The following TSHZ2 variants were observed in gnomAD, a reference collection of about 807,000 sequenced individuals.
The protein encoded by TSHZ2 is teashirt zinc finger homeobox 2, also known as teashirt homolog 2.
Under a neutral mutation model 74.4 loss-of-function variants are expected in TSHZ2, and 21 were observed. That is an observed-to-expected ratio of 0.28 (90% CI 0.20 to 0.41). The LOEUF (loss-of-function observed/expected upper bound fraction) is 0.41, where lower values mean the gene tolerates loss of function less well. Ranked by LOEUF, TSHZ2 falls within the 10% of genes least tolerant of loss-of-function variation. TSHZ2 has a pLI of 1.00. For synonymous variants in TSHZ2, 540 were observed against 515.3 expected (o/e 1.05, Z -0.65); for missense variants, 1,244 against 1,293.5 (o/e 0.96, Z 0.59).
At chr20:52,980,102 A>T (rs1032849871) in intron 1 of TSHZ2, among the ~76,000 whole-genome samples, 1 of 152,198 alleles carries the variant, frequency 6.6e-6, no homozygotes, top group East Asian at 1.9e-4. Context: ...AACACTTTTT[A>T]AAAAATTGTT....
chr20:52,972,610 A>C lies in TSHZ2; in HGVS notation c.-684A>C, dbSNP rs1981152513. On this transcript the variant is annotated 5_prime_UTR_variant, in exon 1 of 3. Coordinates refer to ENST00000371497, the MANE Select transcript of TSHZ2 (RefSeq NM_173485.6). ...ACCCGCTCCTGTCCTCTCGCATATC[A>C]CTCACAGACGGGGATCTGACAGCAG... is the stretch of plus-strand genomic sequence containing the variant. 6.6e-6 allele frequency: 1 copy of C among 151,846 alleles called. No individual in the cohort carries two copies. The highest frequency in any genetic ancestry group is 2.4e-5 in the African/African-American group (1 of 40,848). The allele number at this position is 151,846 out of a possible 1,614,324, so 9.4% of individuals were successfully genotyped here.
chr20:53,143,134 A>C (rs1197536315), intron 1 of TSHZ2, among the ~76,000 whole-genome samples: 1 of 152,218 alleles, frequency 6.6e-6, no homozygotes, highest in African/African-American at 2.4e-5. Context: ...AAACACATCT[A>C]TTTAAGCTAG....
chr20:53,249,513 G>T (rs372466244), intron 1 of TSHZ2, among the ~76,000 whole-genome samples: 6 of 152,240 alleles, frequency 3.9e-5, no homozygotes, highest in Admixed American at 3.3e-4. Flanking sequence ...TGATGTGATG[G>T]ATAGTTACAC....
intron 1 of TSHZ2, among the ~76,000 whole-genome samples, chr20:53,027,868 G>T (rs549474255): frequency 6.6e-6 from 1 of 152,156 alleles, no homozygotes; most frequent in Non-Finnish European, 1.5e-5. Context: ...TTAAGGAGAG[G>T]AGAGGGTGGT....
At chr20:53,009,071 A>G (rs1329225373) in intron 1 of TSHZ2, among the ~76,000 whole-genome samples, 1 of 149,692 alleles carries the variant, frequency 6.7e-6, no homozygotes, top group Admixed American at 6.7e-5. Flanking sequence ...GCTCACACCT[A>G]TAACACCAAC....
intron 1 of TSHZ2, among the ~76,000 whole-genome samples, chr20:53,096,922 C>CAAAACA (rs142443353): frequency 2.0e-5 from 3 of 150,598 alleles, no homozygotes; most frequent in Non-Finnish European, 3.0e-5. Context: ...AAACAAAAAA[C>CAAAACA]AAAACAAAAA....
intron 1 of TSHZ2, among the ~76,000 whole-genome samples, chr20:53,047,726 CA>C (rs146052875): frequency 1.3e-5 from 2 of 148,902 alleles, no homozygotes; most frequent in African/African-American, 4.9e-5. Flanking sequence ...CATTTTGGAG[CA>C]AAAAAAAACC....
At chr20:53,463,526 T>C (rs551888784) in intron 2 of TSHZ2, among the ~76,000 whole-genome samples, 2 of 152,168 alleles carry the variant, frequency 1.3e-5, no homozygotes, top group Non-Finnish European at 2.9e-5. Context: ...CGTAGAATTA[T>C]AGAAGTTATG....
intron 2 of TSHZ2, among the ~76,000 whole-genome samples, chr20:53,265,891 C>T (rs2123748510): frequency 6.6e-6 from 1 of 152,314 alleles, no homozygotes; most frequent in Non-Finnish European, 1.5e-5. Flanking sequence ...TTCCTCCCTC[C>T]CTCCTTTCTT....
Position 53,090,711 on chromosome 20 carries a change from C to T in TSHZ2, c.40+117378C>T, listed in dbSNP as rs1004500385. Among the ~76,000 whole-genome samples, 104 of 152,176 alleles carry T rather than the reference C, an allele frequency of 6.8e-4. 1 individual carries two copies. Among genetic ancestry groups the T allele is most frequent in the Non-Finnish European group, 1.2e-4 (8 of 68,028 alleles). On this transcript the variant is annotated intron_variant, in intron 1 of 2. Transcript: ENST00000371497. Reference sequence around the variant, plus strand: ...TGGCTTCCTCAGCATCTTAAGATAACTCACAGCAATTATTTTGCTGTGGAT... The same window carrying T: ...TGGCTTCCTCAGCATCTTAAGATAATTCACAGCAATTATTTTGCTGTGGAT...
chr20:53,485,785 T>C (rs1045453427), intron 2 of TSHZ2, among the ~76,000 whole-genome samples: 3 of 152,144 alleles, frequency 2.0e-5, no homozygotes, highest in Non-Finnish European at 4.4e-5. Context: ...AAGCCTAGTA[T>C]GACCATAGGT....
At chr20:53,097,497 A>G (rs988573866) in intron 1 of TSHZ2, among the ~76,000 whole-genome samples, 5 of 152,160 alleles carry the variant, frequency 3.3e-5, no homozygotes, top group South Asian at 2.1e-4. Context: ...CACTTGTTCT[A>G]TTTCCAGTTT....
intron 2 of TSHZ2, among the ~76,000 whole-genome samples, chr20:53,397,085 A>G (rs967637585): frequency 6.6e-6 from 1 of 152,204 alleles, no homozygotes; most frequent in Non-Finnish European, 1.5e-5. Context: ...CATGTCTAAA[A>G]CACCAAAAGC....
chr20:53,262,818 C>G (rs1291307730), intron 2 of TSHZ2, among the ~76,000 whole-genome samples: 2 of 152,138 alleles, frequency 1.3e-5, no homozygotes, highest in African/African-American at 4.8e-5. Context: ...CAGTGCATGT[C>G]ATGTTCTCCT....
chr20:53,471,960 C>T (rs2145838605), intron 2 of TSHZ2, among the ~76,000 whole-genome samples: 1 of 152,036 alleles, frequency 6.6e-6, no homozygotes, highest in Non-Finnish European at 1.5e-5. Context: ...CATGTGCCAC[C>T]ACGCCCAGCT....
chr20:53,350,363 A>G (rs1600824397), intron 2 of TSHZ2, among the ~76,000 whole-genome samples: 2 of 152,258 alleles, frequency 1.3e-5, no homozygotes, highest in African/African-American at 4.8e-5. Context: ...GGAGTTAGCC[A>G]CTGGAATCCA....
At chr20:53,278,285 T>C (rs1568849028) in intron 2 of TSHZ2, among the ~76,000 whole-genome samples, 3 of 152,232 alleles carry the variant, frequency 2.0e-5, no homozygotes, top group African/African-American at 7.2e-5. Context: ...TATTTTCTAA[T>C]TCTGAAATGG....
chr20:53,179,101 G>A lies in TSHZ2; in HGVS notation c.41-74398G>A, dbSNP rs564642794. 3 of 151,862 alleles carry A rather than the reference G, an allele frequency of 2.0e-5. No individual in the cohort carries two copies. In the South Asian group the frequency reaches 6.2e-4, roughly 32 times the overall value. The allele number at this position is 151,862 out of a possible 1,614,324, so 9.4% of individuals were successfully genotyped here. A position where few individuals can be genotyped will look rare whatever the true frequency, so the allele number is the denominator to read the frequency against. On this transcript the variant is annotated intron_variant, in intron 1 of 2. Transcript: ENST00000371497. ...ACAGTCCAAATCTTTCTCATTGAAC[G>A]GGAAACATTTTCTGATCTCAACCTT...
chr20:53,453,817 G>T (rs184017241), intron 2 of TSHZ2, among the ~76,000 whole-genome samples: 32 of 152,184 alleles, frequency 2.1e-4, no homozygotes, highest in African/African-American at 7.5e-4. Context: ...CCAGAGAAAT[G>T]GAATTCTCCA....
Sources: gnomAD v4.1 joint callset for allele counts (sites outside exome capture counted in the v4.1 genomes callset) on GRCh38, gnomAD v4.1.1 for gene constraint, MANE v1.5 for transcripts, NCBI Gene and HGNC (gene_info 2026-07-23, HGNC 2026-07-21) for gene names.